Variants in TMEM45B observed in about 807,000 individuals in gnomAD.
TMEM45B encodes the protein transmembrane protein 45B.
A neutral mutation model predicts 27.3 loss-of-function variants in TMEM45B; 29 were observed. The ratio of observed to expected loss-of-function variants is 1.06; its 90% CI spans 0.79 to 1.45. The LOEUF is 1.45. Ranked by LOEUF, TMEM45B falls within the 40% of genes most tolerant of loss-of-function variation. The pLI is 0.00. For missense variants in TMEM45B, 348 were observed against 343.9 expected (o/e 1.01, Z -0.09); for synonymous variants, 143 against 134.7 (o/e 1.06, Z -0.43).
intron 1 of TMEM45B, among the ~76,000 whole-genome samples, chr11:129,845,749 A>C (rs945834422): frequency 6.6e-6 from 1 of 152,204 alleles, no homozygotes; most frequent in Non-Finnish European, 1.5e-5. Context: ...AACTATGCAA[A>C]TTCTCAAGGA....
chr11:129,848,320 G>A lies in TMEM45B; in HGVS notation c.-8-4155G>A, dbSNP rs552799852. Among the ~76,000 whole-genome samples the A allele has an allele frequency of 6.0e-3, 906 of 152,260 alleles. 6 individuals carry two copies. The highest frequency in any genetic ancestry group is 0.021 in the African/African-American group (859 of 41,556). On this transcript the variant is annotated intron_variant, in intron 1 of 5. Coordinates refer to ENST00000281441, the MANE Select transcript of TMEM45B (RefSeq NM_138788.5). Reference sequence around the variant, plus strand: ...GCGGTTAGGAGCTGGAGACCAGCCCGGCCAACACAGCGAAACCCCGTCTCC... The same window carrying A: ...GCGGTTAGGAGCTGGAGACCAGCCCAGCCAACACAGCGAAACCCCGTCTCC...
chr11:129,839,831 G>A (rs1305007317), intron 1 of TMEM45B, among the ~76,000 whole-genome samples: 1 of 152,124 alleles, frequency 6.6e-6, no homozygotes, highest in African/African-American at 2.4e-5. Flanking sequence ...CACTGCACCT[G>A]ACCTAAAAGC....
chr11:129,849,586 G>T (rs763442967), intron 1 of TMEM45B, among the ~76,000 whole-genome samples: 1 of 152,160 alleles, frequency 6.6e-6, no homozygotes, highest in Non-Finnish European at 1.5e-5. Flanking sequence ...AGGTGGAGGC[G>T]GCCGTGCTCC....
intron 1 of TMEM45B, among the ~76,000 whole-genome samples, chr11:129,840,223 C>T (rs1443838265): frequency 6.6e-6 from 1 of 152,200 alleles, no homozygotes; most frequent in Non-Finnish European, 1.5e-5. Context: ...AATCAAAGTA[C>T]TCAGTCTTCT....
intron 1 of TMEM45B, among the ~76,000 whole-genome samples, chr11:129,846,113 G>T (rs1298902179): frequency 1.3e-5 from 2 of 152,180 alleles, no homozygotes; most frequent in Non-Finnish European, 2.9e-5. Flanking sequence ...AAAACATAGT[G>T]ATCAGTATTT....
At chr11:129,845,871 C>T (rs995346241) in intron 1 of TMEM45B, among the ~76,000 whole-genome samples, 27 of 152,030 alleles carry the variant, frequency 1.8e-4, no homozygotes, top group African/African-American at 6.3e-4. Context: ...CAAGGAAAAG[C>T]CTCTTCTGGA....
intron 1 of TMEM45B, 28 bp downstream of exon 1, chr11:129,815,926 C>T: frequency 1.6e-6 from 2 of 1,268,806 alleles, no homozygotes; most frequent in East Asian, 6.3e-5. Flanking sequence ...GCAGGGGGCT[C>T]GAACCTGGAG....
chr11:129,816,177 CCT>C (rs1340999656), intron 1 of TMEM45B, among the ~76,000 whole-genome samples: 2 of 152,150 alleles, frequency 1.3e-5, no homozygotes, highest in Non-Finnish European at 2.9e-5. Flanking sequence ...CCCCCGAGTG[CCT>C]CTGTCCGGCT....
intron 1 of TMEM45B, among the ~76,000 whole-genome samples, chr11:129,848,300 T>C (rs2266105): frequency 0.24 from 35,458 of 148,468 alleles, 4,872 homozygotes; most frequent in African/African-American, 0.42. Context: ...CACTCGCGGT[T>C]AGGAGCTGGA....
intron 1 of TMEM45B, among the ~76,000 whole-genome samples, chr11:129,823,914 C>A (rs371131176): frequency 1.3e-5 from 2 of 152,276 alleles, no homozygotes; most frequent in South Asian, 4.1e-4. Flanking sequence ...TGTCTTTGAT[C>A]GGCCTGCACT....
intron 1 of TMEM45B, among the ~76,000 whole-genome samples, chr11:129,850,763 C>A (rs542386979): frequency 1.3e-5 from 2 of 152,176 alleles, no homozygotes; most frequent in South Asian, 4.1e-4. Context: ...AAGAACGAGG[C>A]TTTCCCCACA....
At chr11:129,819,207 A>G (rs1947388501) in intron 1 of TMEM45B, among the ~76,000 whole-genome samples, 1 of 152,272 alleles carries the variant, frequency 6.6e-6, no homozygotes, top group South Asian at 2.1e-4. Flanking sequence ...CATAGCAGGC[A>G]TACATAAAAT....
chr11:129,842,291 G>C (rs1947706102), intron 1 of TMEM45B, among the ~76,000 whole-genome samples: 1 of 152,202 alleles, frequency 6.6e-6, no homozygotes, highest in Non-Finnish European at 1.5e-5. Context: ...ATATTGAATT[G>C]CAGATTTTTT....
chr11:129,855,820 C>A lies in TMEM45B; in HGVS notation c.498C>A (p.Ile166=). 6.2e-7 allele frequency: 1 copy of A among 1,614,178 alleles called. No individual in the cohort carries two copies. The highest frequency in any genetic ancestry group is 8.5e-7 in the Non-Finnish European group (1 of 1,180,044). ...GGCVSISLEV[I]FRDHIVLELF... The stretch of plus-strand genomic sequence containing the variant: ...GTGTTAGTATCTCCCTAGAGGTGAT[C>A]TTCCGGGACCACATTGTGCTGGAAC... Residue 166 remains isoleucine (I), a synonymous_variant, in exon 4 of 6, where the codon ATC becomes ATA. Coordinates refer to ENST00000281441, the MANE Select transcript of TMEM45B (RefSeq NM_138788.5).
At chr11:129,850,148 CGTTTT>C (rs1178069307) in intron 1 of TMEM45B, among the ~76,000 whole-genome samples, 1 of 121,072 alleles carries the variant, frequency 8.3e-6, no homozygotes, top group African/African-American at 3.3e-5. Flanking sequence ...TCTTTTCTCA[CGTTTT>C]TTTTTTTGTT....
intron 1 of TMEM45B, among the ~76,000 whole-genome samples, chr11:129,822,491 C>T (rs1328757638): frequency 6.6e-6 from 1 of 152,158 alleles, no homozygotes; most frequent in East Asian, 1.9e-4. Context: ...TCATCTGTCT[C>T]TAGTGCTTTC....
intron 1 of TMEM45B, among the ~76,000 whole-genome samples, chr11:129,834,210 C>A (rs1184824171): frequency 6.6e-6 from 1 of 152,138 alleles, no homozygotes; most frequent in Non-Finnish European, 1.5e-5. Flanking sequence ...GCAGGCGGAT[C>A]ACTTGAGGTC....
chr11:129,857,055 T>C (rs1010331320), intron 4 of TMEM45B, among the ~76,000 whole-genome samples: 2 of 152,102 alleles, frequency 1.3e-5, no homozygotes, highest in Non-Finnish European at 2.9e-5. Context: ...GGTTTCACTA[T>C]GTTGGTCAGG....
chr11:129,825,659 G>T (rs577623225), intron 1 of TMEM45B, among the ~76,000 whole-genome samples: 1 of 152,278 alleles, frequency 6.6e-6, no homozygotes, highest in South Asian at 2.1e-4. Context: ...GGACTGTTGA[G>T]TAAAGTGGAA....
Sources: allele counts gnomAD v4.1 joint callset (sites outside exome capture counted in the v4.1 genomes callset), GRCh38; gene constraint gnomAD v4.1.1; transcripts MANE v1.5; gene names NCBI Gene and HGNC (gene_info 2026-07-23, HGNC 2026-07-21).